ROCK2: variants seen among roughly 807,000 people sequenced by gnomAD.
The protein encoded by ROCK2 is Rho associated coiled-coil containing protein kinase 2, also known as rho-associated protein kinase 2.
ROCK2 carries 61 observed loss-of-function variants against 195.1 expected under a neutral mutation model. The ratio of observed to expected loss-of-function variants is 0.31; its 90% CI spans 0.25 to 0.39. The LOEUF is 0.39. Ranked by LOEUF, ROCK2 falls within the 10% of genes least tolerant of loss-of-function variation. The probability of loss-of-function intolerance (pLI) is 1.00; values close to 1 mark genes in which losing one functional copy is unlikely to be tolerated. For synonymous variants in ROCK2, 504 were observed against 545.5 expected (o/e 0.92, Z 1.06); for missense variants, 1,109 against 1,637.4 (o/e 0.68, Z 5.57).
intron 2 of ROCK2, 70 bp downstream of exon 2, chr2:11,287,582 GATA>G (rs1258051938): frequency 2.6e-5 from 11 of 425,728 alleles, no homozygotes; most frequent in Non-Finnish European, 4.6e-5. Flanking sequence ...TTTATAGGCT[GATA>G]ATAACCAAAC....
intron 4 of ROCK2, among the ~76,000 whole-genome samples, chr2:11,247,191 C>T (rs542282906): frequency 6.6e-6 from 1 of 151,184 alleles, no homozygotes; most frequent in East Asian, 1.9e-4. Flanking sequence ...TAGCAGTTGG[C>T]AGGGGCAGGG....
At chr2:11,312,880 C>T (rs1028814806) in intron 1 of ROCK2, among the ~76,000 whole-genome samples, 2 of 152,002 alleles carry the variant, frequency 1.3e-5, no homozygotes, top group Non-Finnish European at 2.9e-5. Context: ...GAAAAGCCTA[C>T]GCACTGGACA....
chr2:11,259,487 T>C (rs1167164976), intron 3 of ROCK2, among the ~76,000 whole-genome samples: 2 of 151,444 alleles, frequency 1.3e-5, no homozygotes, highest in Non-Finnish European at 2.9e-5. Context: ...TTTCAGGTCC[T>C]GCTCTGCCAC....
intron 1 of ROCK2, among the ~76,000 whole-genome samples, chr2:11,288,403 C>T (rs962369155): frequency 6.6e-6 from 1 of 152,144 alleles, no homozygotes; most frequent in African/African-American, 2.4e-5. Context: ...GAAGGTAGCA[C>T]GATTTCTAAA....
intron 1 of ROCK2, among the ~76,000 whole-genome samples, chr2:11,315,255 A>C (rs1572397743): frequency 6.6e-6 from 1 of 152,058 alleles, no homozygotes; most frequent in African/African-American, 2.4e-5. Context: ...ATTACACAGA[A>C]CACAATGTCC....
intron 4 of ROCK2, among the ~76,000 whole-genome samples, chr2:11,241,837 T>C (rs1665438300): frequency 6.6e-6 from 1 of 152,218 alleles, no homozygotes; most frequent in African/African-American, 2.4e-5. Flanking sequence ...AATGACGGTA[T>C]AACACCGTCA....
intron 1 of ROCK2, among the ~76,000 whole-genome samples, chr2:11,304,285 CCTA>C (rs1667790177): frequency 1.3e-5 from 2 of 152,198 alleles, no homozygotes; most frequent in African/African-American, 4.8e-5. Context: ...CCTTCCTTTT[CCTA>C]CTACAACCAC....
chr2:11,294,411 GAATTATATGGTGTT>G (rs11273571), intron 1 of ROCK2, among the ~76,000 whole-genome samples: 2,848 of 152,198 alleles, frequency 0.019, 87 homozygotes, highest in African/African-American at 0.061. Flanking sequence ...ACAGACTGTG[GAATTATATGGTGTT>G]AATTATATGG....
At chr2:11,219,960 T>A (rs961936484) in intron 9 of ROCK2, among the ~76,000 whole-genome samples, 13 of 151,356 alleles carry the variant, frequency 8.6e-5, no homozygotes, top group African/African-American at 3.2e-4. Context: ...GATCCTTTCA[T>A]CTCAGCCTCT....
chr2:11,343,318 T>G (rs951947403), intron 1 of ROCK2, among the ~76,000 whole-genome samples: 3 of 152,226 alleles, frequency 2.0e-5, no homozygotes, highest in Non-Finnish European at 2.9e-5. Flanking sequence ...ACGGTGCTAT[T>G]AATCTGGATT....
intron 6 of ROCK2, among the ~76,000 whole-genome samples, chr2:11,225,138 T>C (rs1558306928): frequency 6.6e-6 from 1 of 151,916 alleles, no homozygotes; most frequent in Non-Finnish European, 1.5e-5. Context: ...ATAGCTAGAG[T>C]TGAAAGAGGG....
intron 4 of ROCK2, among the ~76,000 whole-genome samples, chr2:11,249,300 T>G (rs1433536449): frequency 1.3e-5 from 2 of 152,210 alleles, no homozygotes; most frequent in Non-Finnish European, 2.9e-5. Flanking sequence ...GTTGGAATAT[T>G]AATATGTATA....
intron 3 of ROCK2, among the ~76,000 whole-genome samples, chr2:11,264,734 T>C (rs114131932): frequency 1.1e-3 from 160 of 152,192 alleles, no homozygotes; most frequent in Non-Finnish European, 1.9e-3. Context: ...AGCCTGGCCA[T>C]TGGAAACTAC....
chr2:11,264,292 G>A (rs1275686445), intron 3 of ROCK2, among the ~76,000 whole-genome samples: 2 of 152,194 alleles, frequency 1.3e-5, no homozygotes, highest in Non-Finnish European at 2.9e-5. Context: ...GATAACGATG[G>A]AGTGGCCTGA....
intron 20 of ROCK2, among the ~76,000 whole-genome samples, chr2:11,203,470 T>C (rs1663937969): frequency 6.6e-6 from 1 of 150,940 alleles, no homozygotes; most frequent in African/African-American, 2.4e-5. Context: ...GCTTACGTAC[T>C]GCTTTTTTTT....
intron 3 of ROCK2, among the ~76,000 whole-genome samples, chr2:11,285,136 C>A (rs1018437275): frequency 2.6e-5 from 4 of 151,946 alleles, no homozygotes; most frequent in African/African-American, 9.7e-5. Context: ...GTGGTGCATG[C>A]CTGTAATCCC....
intron 5 of ROCK2, among the ~76,000 whole-genome samples, chr2:11,232,837 GT>G (rs1438943552): frequency 2.0e-5 from 3 of 152,122 alleles, no homozygotes; most frequent in African/African-American, 7.2e-5. Flanking sequence ...ATTTAAAAGA[GT>G]TAAAAGATAT....
chr2:11,330,767 GGAGGAGGGAGGGAA>G (rs1668703107), intron 1 of ROCK2, among the ~76,000 whole-genome samples: 1 of 95,572 alleles, frequency 1.0e-5, no homozygotes, highest in Admixed American at 9.9e-5. Context: ...GGAGGGAGGA[GGAGGAGGGAGGGAA>G]GAGGAGGAGA....
At chr2:11,196,535 T>C (rs1279060170) in intron 27 of ROCK2, among the ~76,000 whole-genome samples, 2 of 152,228 alleles carry the variant, frequency 1.3e-5, no homozygotes, top group Admixed American at 1.3e-4. Flanking sequence ...AACAAATTCT[T>C]TATTCATGCA....
Sources: allele counts gnomAD v4.1 joint callset (sites outside exome capture counted in the v4.1 genomes callset), GRCh38; gene constraint gnomAD v4.1.1; transcripts MANE v1.5; gene names NCBI Gene and HGNC (gene_info 2026-07-23, HGNC 2026-07-21).